Variants in NEBL observed in about 807,000 individuals in gnomAD.
NEBL encodes the protein LIM and SH3 protein 2.
Under a neutral mutation model 140.2 loss-of-function variants are expected in NEBL, and 122 were observed. That is an observed-to-expected ratio of 0.87 (90% CI 0.75 to 1.01). NEBL has a LOEUF of 1.01. Ranked by LOEUF, NEBL falls within the 50% of genes least tolerant of loss-of-function variation. The pLI is 0.00. For synonymous variants in NEBL, 436 were observed against 398.9 expected (o/e 1.09, Z -1.11); for missense variants, 1,365 against 1,231.3 (o/e 1.11, Z -1.62).
intron 3 of NEBL, among the ~76,000 whole-genome samples, chr10:21,019,204 T>C (rs1024121381): frequency 2.6e-5 from 4 of 152,258 alleles, no homozygotes; most frequent in African/African-American, 4.8e-5. Flanking sequence ...TCTCACTTTT[T>C]GAAATGCTTT....
chr10:21,160,173 C>G (rs1022766306), intron 2 of NEBL, among the ~76,000 whole-genome samples: 1 of 151,916 alleles, frequency 6.6e-6, no homozygotes, highest in African/African-American at 2.4e-5. Flanking sequence ...CTGTTATATA[C>G]TCATCACTGT....
In NEBL at chr10:21,069,327, G is replaced by A. The variant is rs183121582; in HGVS notation, c.165-49126C>T. Reference sequence around the variant, plus strand: ...AAGAAATGAAATGGGGCCGTTTATGGCAGGCACACAATTCTTCCTCATGGC... The same window carrying A: ...AAGAAATGAAATGGGGCCGTTTATGACAGGCACACAATTCTTCCTCATGGC... On this transcript the variant is annotated intron_variant, in intron 2 of 6. Transcript: ENST00000417816. Among the ~76,000 whole-genome samples the A allele has an allele frequency of 4.8e-3, 733 of 152,268 alleles. 8 individuals are homozygous for A. The highest frequency in any genetic ancestry group is 0.017 in the African/African-American group (698 of 41,554).
At chr10:21,041,460 C>T (rs1834263941) in intron 2 of NEBL, among the ~76,000 whole-genome samples, 3 of 151,932 alleles carry the variant, frequency 2.0e-5, no homozygotes, top group Admixed American at 2.0e-4. Context: ...ATGCAGACAA[C>T]ATGGAAAAAA....
rs876657926 is a variant in NEBL at position 20,808,590 on chromosome 10, C to T, written c.2681G>A (p.Gly894Glu). ...CTCGGAGATTTCTGACCTGTCGTCT[C>T]CGAGACCTGTACCGAAAGTACTGCT... ...HSSSTFGTGL[G>E]DDRSEISEIY... Residue 894 changes from glycine (G) to glutamate (E), a missense_variant, in exon 26 of 28, where the codon GGA (glycine) becomes GAA (glutamate). By Grantham distance (98) the Gly-to-Glu change is moderately conservative. Coordinates refer to ENST00000377122, the MANE Select transcript of NEBL (RefSeq NM_006393.3). 5 of 1,613,586 alleles carry T rather than the reference C, an allele frequency of 3.1e-6. No individual in the cohort carries two copies. The highest frequency in any genetic ancestry group is 1.3e-5 in the African/African-American group (1 of 74,890).
At chr10:21,057,998 T>C (rs1282381889) in intron 2 of NEBL, among the ~76,000 whole-genome samples, 3 of 152,000 alleles carry the variant, frequency 2.0e-5, no homozygotes, top group African/African-American at 7.2e-5. Context: ...TTTCCATCTA[T>C]TTTTTCTGAG....
At chr10:20,943,810 G>C (rs1215587495) in intron 4 of NEBL, among the ~76,000 whole-genome samples, 1 of 152,152 alleles carries the variant, frequency 6.6e-6, no homozygotes, top group Non-Finnish European at 1.5e-5. Flanking sequence ...CTGACTTTAA[G>C]AGTCAAAGGT....
chr10:21,023,609 C>T (rs1446178198), intron 2 of NEBL, among the ~76,000 whole-genome samples: 2 of 151,992 alleles, frequency 1.3e-5, no homozygotes, highest in Non-Finnish European at 2.9e-5. Flanking sequence ...GCAGGAGAAT[C>T]GCTGGAACCC....
chr10:21,197,724 A>C (rs10828208), intron 3 of NEBL, among the ~76,000 whole-genome samples: 20,321 of 152,164 alleles, frequency 0.13, 1,701 homozygotes, highest in African/African-American at 0.23. Context: ...ATAGATGGCA[A>C]CTTGAGCATT....
intron 1 of NEBL, among the ~76,000 whole-genome samples, chr10:21,289,871 T>C (rs1843119593): frequency 6.6e-6 from 1 of 152,252 alleles, no homozygotes; most frequent in African/African-American, 2.4e-5. Flanking sequence ...CTTATTCACT[T>C]GCCTGTTGTC....
intron 2 of NEBL, among the ~76,000 whole-genome samples, chr10:21,022,015 AG>A (rs1838818725): frequency 2.6e-5 from 4 of 152,204 alleles, no homozygotes; most frequent in African/African-American, 9.6e-5. Flanking sequence ...TTATGTTCAC[AG>A]ATGACTCCCC....
chr10:20,849,408 T>C (rs1007074086), intron 11 of NEBL, among the ~76,000 whole-genome samples: 1 of 152,286 alleles, frequency 6.6e-6, no homozygotes, highest in Admixed American at 6.5e-5. Flanking sequence ...AGTTCGTGTG[T>C]TGAAAACTTC....
chr10:20,999,758 C>T (rs1380052292), intron 3 of NEBL, among the ~76,000 whole-genome samples: 1 of 152,180 alleles, frequency 6.6e-6, no homozygotes, highest in Non-Finnish European at 1.5e-5. Context: ...TTACAACCCC[C>T]GCTTTAACTG....
intron 3 of NEBL, among the ~76,000 whole-genome samples, chr10:20,991,036 G>A (rs535024310): frequency 6.6e-6 from 1 of 152,248 alleles, no homozygotes; most frequent in Admixed American, 6.5e-5. Context: ...CACATACTCT[G>A]ACATTTGACA....
At chr10:20,972,034 A>T (rs1323713302) in intron 3 of NEBL, among the ~76,000 whole-genome samples, 1 of 152,262 alleles carries the variant, frequency 6.6e-6, no homozygotes, top group Non-Finnish European at 1.5e-5. Flanking sequence ...ATTATAAAGT[A>T]TTACGAAATA....
chr10:21,270,659 C>T (rs372430133), intron 1 of NEBL, among the ~76,000 whole-genome samples: 10 of 152,262 alleles, frequency 6.6e-5, no homozygotes, highest in South Asian at 6.2e-4. Flanking sequence ...TGAGCCACCG[C>T]GCCCAGCCCA....
At chr10:21,252,179 C>T (rs753578636) in intron 1 of NEBL, among the ~76,000 whole-genome samples, 4 of 152,226 alleles carry the variant, frequency 2.6e-5, no homozygotes, top group African/African-American at 4.8e-5. Flanking sequence ...AAAACACTTC[C>T]TCTATTACAG....
intron 2 of NEBL, among the ~76,000 whole-genome samples, chr10:21,154,623 C>T (rs975922591): frequency 6.6e-6 from 1 of 152,166 alleles, no homozygotes; most frequent in Non-Finnish European, 1.5e-5. Context: ...ACAAACTCTA[C>T]ACATTATCCA....
chr10:20,886,404 C>A (rs1846523887), intron 4 of NEBL, among the ~76,000 whole-genome samples: 1 of 151,884 alleles, frequency 6.6e-6, no homozygotes, highest in South Asian at 2.1e-4. Flanking sequence ...TGGTGTGCGC[C>A]TGTAATGCCA....
At chr10:20,935,592 C>A (rs1340367345) in intron 4 of NEBL, among the ~76,000 whole-genome samples, 1 of 152,138 alleles carries the variant, frequency 6.6e-6, no homozygotes, top group Non-Finnish European at 1.5e-5. Context: ...GAATCTGTGC[C>A]TTTTAATGAA....
Sources: allele counts gnomAD v4.1 joint callset (sites outside exome capture counted in the v4.1 genomes callset), GRCh38; gene constraint gnomAD v4.1.1; transcripts MANE v1.5; gene names NCBI Gene and HGNC (gene_info 2026-07-23, HGNC 2026-07-21).